TLN2: variants seen among roughly 807,000 people sequenced by gnomAD.
The protein encoded by TLN2 is talin 2, also known as talin-2.
Under a neutral mutation model 294.7 loss-of-function variants are expected in TLN2, and 118 were observed. The observed-to-expected ratio is 0.40, with a 90% CI of 0.34 to 0.47. The LOEUF (loss-of-function observed/expected upper bound fraction) is 0.47, where lower values mean the gene tolerates loss of function less well. TLN2 is among the 20% of genes least tolerant of loss of function. The pLI is 0.84. For synonymous variants in TLN2, 1,431 were observed against 1,304.5 expected (o/e 1.10, Z -2.09); for missense variants, 3,083 against 3,282.2 (o/e 0.94, Z 1.48).
intron 39 of TLN2, among the ~76,000 whole-genome samples, chr15:62,762,739 A>C (rs913266734): frequency 6.6e-6 from 1 of 152,232 alleles, no homozygotes; most frequent in Non-Finnish European, 1.5e-5. Flanking sequence ...GAAAAAATTT[A>C]GGCAGAAAAA....
intron 1 of TLN2, among the ~76,000 whole-genome samples, chr15:62,550,399 G>A (rs939943383): frequency 2.0e-5 from 3 of 152,034 alleles, no homozygotes; most frequent in Admixed American, 6.5e-5. Context: ...TCTGCAAGTC[G>A]GCCTCCCAGT....
intron 1 of TLN2, among the ~76,000 whole-genome samples, chr15:62,578,704 G>C (rs2044651907): frequency 6.6e-6 from 1 of 152,184 alleles, no homozygotes; most frequent in Non-Finnish European, 1.5e-5. Flanking sequence ...GCCGCATGTG[G>C]GGAGGGGGGT....
intron 11 of TLN2, among the ~76,000 whole-genome samples, chr15:62,684,581 G>A (rs2057130859): frequency 6.6e-6 from 1 of 152,140 alleles, no homozygotes; most frequent in Non-Finnish European, 1.5e-5. Flanking sequence ...GGAAGCTGGG[G>A]GTGTGCGGTG....
At chr15:62,601,659 C>G (rs923074150) in intron 2 of TLN2, among the ~76,000 whole-genome samples, 15 of 152,090 alleles carry the variant, frequency 9.9e-5, no homozygotes, top group Non-Finnish European at 2.1e-4. Flanking sequence ...TTCTATCATT[C>G]CTACCTTGTT....
intron 45 of TLN2, among the ~76,000 whole-genome samples, chr15:62,790,570 A>G (rs1338340026): frequency 1.3e-5 from 2 of 152,124 alleles, no homozygotes; most frequent in African/African-American, 4.8e-5. Flanking sequence ...TTCTAACTCC[A>G]TTTCCTTCTT....
chr15:62,489,101 C>T (rs2140402678), intron 1 of TLN2, among the ~76,000 whole-genome samples: 1 of 152,266 alleles, frequency 6.6e-6, no homozygotes, highest in African/African-American at 2.4e-5. Context: ...GGTGAGGTTG[C>T]AGTGAGTTGA....
At chr15:62,607,438 A>G (rs538522611) in intron 2 of TLN2, among the ~76,000 whole-genome samples, 1 of 152,280 alleles carries the variant, frequency 6.6e-6, no homozygotes, top group Non-Finnish European at 1.5e-5. Context: ...TCTTGACTCC[A>G]TCTCTCCTTT....
intron 3 of TLN2, among the ~76,000 whole-genome samples, chr15:62,635,376 T>G (rs551583976): frequency 8.5e-5 from 13 of 152,316 alleles, no homozygotes; most frequent in African/African-American, 2.9e-4. Flanking sequence ...GATACAGCTA[T>G]TAAATTAAAT....
chr15:62,763,888 G>T lies in TLN2; in HGVS notation c.5094+193G>T, dbSNP rs183167812. ...GGTAGGGCAGATGCCAAGTAGAGAA[G>T]GGTGGCTTGGGGGAAGGAATACAGG... On this transcript the variant is annotated intron_variant, in intron 40 of 58. Transcript: ENST00000636159. Among the ~76,000 whole-genome samples, 202 of 152,318 alleles carry T rather than the reference G, an allele frequency of 1.3e-3. 1 individual carries two copies. Among genetic ancestry groups the T allele is most frequent in the African/African-American group, 4.7e-3 (197 of 41,562 alleles).
chr15:62,746,733 G>A (rs2061635016), intron 32 of TLN2, among the ~76,000 whole-genome samples: 1 of 152,210 alleles, frequency 6.6e-6, no homozygotes, highest in African/African-American at 2.4e-5. Flanking sequence ...ACTTGCCAAA[G>A]CTGCAGTGGT....
intron 1 of TLN2, among the ~76,000 whole-genome samples, chr15:62,491,160 A>G (rs1365368892): frequency 6.6e-6 from 1 of 152,034 alleles, no homozygotes; most frequent in Non-Finnish European, 1.5e-5. Flanking sequence ...TGTCTCTACT[A>G]AAAATACAAA....
At chr15:62,762,147 C>G in intron 38 of TLN2, 125 bp from the exon 39 acceptor site, 2 of 1,154,336 alleles carry the variant, frequency 1.7e-6, no homozygotes, top group Non-Finnish European at 1.3e-6. Context: ...TCATGGTTCC[C>G]TGCCCTCTTT....
At chr15:62,736,849 T>C (rs1277713686) in intron 28 of TLN2, 29 bp from the exon 29 acceptor site, 7 of 1,608,104 alleles carry the variant, frequency 4.4e-6, no homozygotes, top group Non-Finnish European at 4.3e-6. Flanking sequence ...TGGAGTCTAA[T>C]TGGAAATCTG....
chr15:62,584,380 A>C (rs953013154), intron 1 of TLN2, among the ~76,000 whole-genome samples: 1 of 152,210 alleles, frequency 6.6e-6, no homozygotes, highest in Non-Finnish European at 1.5e-5. Context: ...TTTTAGAGCA[A>C]TACAAAAGGA....
At chr15:62,475,268 G>A (rs1444221368) in intron 1 of TLN2, among the ~76,000 whole-genome samples, 3 of 152,140 alleles carry the variant, frequency 2.0e-5, no homozygotes, top group East Asian at 1.9e-4. Flanking sequence ...ACTTAATGGG[G>A]ACATTAATTT....
intron 42 of TLN2, among the ~76,000 whole-genome samples, chr15:62,773,091 A>G (rs1197450391): frequency 1.3e-5 from 2 of 150,702 alleles, no homozygotes; most frequent in Non-Finnish European, 3.0e-5. Flanking sequence ...AGAGTCTGTT[A>G]CCAGAAAGCT....
intron 29 of TLN2, among the ~76,000 whole-genome samples, 192 bp downstream of exon 29, chr15:62,737,278 C>G (rs2061075930): frequency 3.3e-5 from 5 of 152,220 alleles, no homozygotes; most frequent in Admixed American, 3.3e-4. Flanking sequence ...GTATTCTCCA[C>G]AGTAATGTGT....
intron 13 of TLN2, among the ~76,000 whole-genome samples, chr15:62,693,213 TC>T (rs1215967022): frequency 2.6e-5 from 4 of 152,126 alleles, no homozygotes; most frequent in Non-Finnish European, 5.9e-5. Flanking sequence ...GCGCCTGTAG[TC>T]CCAGTTACTC....
At chr15:62,440,631 A>T (rs2439713) in intron 1 of TLN2, among the ~76,000 whole-genome samples, 1 of 152,128 alleles carries the variant, frequency 6.6e-6, no homozygotes, top group Non-Finnish European at 1.5e-5. Flanking sequence ...CTGTTCTCTT[A>T]TACCCCTATC....
Sources: gnomAD v4.1 joint callset for allele counts (sites outside exome capture counted in the v4.1 genomes callset) on GRCh38, gnomAD v4.1.1 for gene constraint, MANE v1.5 for transcripts, NCBI Gene and HGNC (gene_info 2026-07-23, HGNC 2026-07-21) for gene names.